ERC2: variants seen among roughly 807,000 people sequenced by gnomAD.
The protein encoded by ERC2 is ELKS/RAB6-interacting/CAST family member 2, also known as ERC protein 2.
Under a neutral mutation model 114.8 loss-of-function variants are expected in ERC2, and 42 were observed. The observed-to-expected ratio is 0.37, with a 90% confidence interval of 0.29 to 0.47. The LOEUF (loss-of-function observed/expected upper bound fraction) is 0.47, where lower values mean the gene tolerates loss of function less well. ERC2 is among the 20% of genes least tolerant of loss of function. The pLI is 0.99. For synonymous variants in ERC2, 454 were observed against 425.5 expected (o/e 1.07, Z -0.82); for missense variants, 939 against 1,150.7 (o/e 0.82, Z 2.66).
intron 17 of ERC2, among the ~76,000 whole-genome samples, chr3:55,524,534 G>A (rs1351986452): frequency 2.3e-5 from 3 of 129,664 alleles, no homozygotes; most frequent in Non-Finnish European, 1.6e-5. Context: ...GGCTCCAGCT[G>A]TTAGATAAAC....
At chr3:55,604,085 A>G (rs1306187820) in intron 17 of ERC2, among the ~76,000 whole-genome samples, 1 of 152,180 alleles carries the variant, frequency 6.6e-6, no homozygotes, top group East Asian at 1.9e-4. Flanking sequence ...ATGAAACTAA[A>G]CGACTTTAAT....
In ERC2 at chr3:56,139,660, T is replaced by C; in HGVS notation, c.1322A>G (p.Gln441Arg). The C allele has an allele frequency of 1.9e-6, 3 of 1,602,824 alleles. No homozygotes were observed. Among genetic ancestry groups the C allele is most frequent in the Non-Finnish European group, 2.6e-6 (3 of 1,173,912 alleles). The change falls in exon 6 of 18, where the codon CAG becomes CGG. Residue 441 changes from glutamine to arginine, a missense_variant. Gln to Arg is a conservative substitution (Grantham distance 43). Coordinates refer to ENST00000288221, the MANE Select transcript of ERC2 (RefSeq NM_015576.3). ...FMKTKIDQLK[Q>R]ELSKKESELL... The stretch of plus-strand genomic sequence containing the variant: ...TTCCGACTCTTTCTTTGAAAGTTCC[T>C]GCTTCAGCTGATCAATCTGCAAAAC...
At chr3:56,016,427 CTTTT>C (rs11430130) in intron 8 of ERC2, among the ~76,000 whole-genome samples, 9 of 141,242 alleles carry the variant, frequency 6.4e-5, no homozygotes, top group Non-Finnish European at 1.2e-4. Flanking sequence ...CTTTTTTTTT[CTTTT>C]TTTTTTTTTA....
At chr3:56,453,419 G>T (rs543907621) in intron 1 of ERC2, among the ~76,000 whole-genome samples, 1 of 152,186 alleles carries the variant, frequency 6.6e-6, no homozygotes, top group African/African-American at 2.4e-5. Context: ...GAGATTTGGA[G>T]GTCCTTTGTT....
chr3:55,953,789 G>T (rs2067743263), intron 12 of ERC2, among the ~76,000 whole-genome samples: 1 of 151,844 alleles, frequency 6.6e-6, no homozygotes, highest in Non-Finnish European at 1.5e-5. Flanking sequence ...GTGAAAAAAT[G>T]ACCACAGTGA....
intron 3 of ERC2, among the ~76,000 whole-genome samples, chr3:56,291,201 G>A (rs1359445881): frequency 6.6e-6 from 1 of 152,166 alleles, no homozygotes; most frequent in Non-Finnish European, 1.5e-5. Context: ...GGAACAATAT[G>A]TTCTTTGCAG....
In ERC2 at chr3:55,675,903, C is replaced by CTTTTTTTTTTTTTTTTTTTTTTTTTTTTT. The variant is rs869296098; in HGVS notation, c.*39+7862_*39+7890dup. Reference sequence around the variant, plus strand: ...TTCCATCTTTCTTTCTCTTTTCTTTCTTTTTTTTTTTTTTTTTTTTTTTTT... The same window carrying CTTTTTTTTTTTTTTTTTTTTTTTTTTTTT: ...TTCCATCTTTCTTTCTCTTTTCTTTCTTTTTTTTTTTTTTTTTTTTTTTTTTTTTTTTTTTTTTTTTTTTTTTTTTTTTT... On this transcript the variant is annotated intron_variant, in intron 17 of 17. Transcript: ENST00000288221. Among the ~76,000 whole-genome samples the CTTTTTTTTTTTTTTTTTTTTTTTTTTTTT allele has an allele frequency of 1.5e-3, 73 of 47,994 alleles. 11 individuals are homozygous for CTTTTTTTTTTTTTTTTTTTTTTTTTTTTT. Among genetic ancestry groups the CTTTTTTTTTTTTTTTTTTTTTTTTTTTTT allele is most frequent in the East Asian group, 2.2e-3 (5 of 2,262 alleles). The allele number at this position is 47,994 out of a possible 152,430, so 31.5% of individuals were successfully genotyped here.
chr3:55,980,249 A>G (rs1469784415), intron 12 of ERC2, among the ~76,000 whole-genome samples: 1 of 152,026 alleles, frequency 6.6e-6, no homozygotes, highest in Non-Finnish European at 1.5e-5. Flanking sequence ...ATGAGAGAGC[A>G]GCAAATATTA....
chr3:55,519,646 C>T (rs1299425892), intron 17 of ERC2, among the ~76,000 whole-genome samples: 4 of 152,126 alleles, frequency 2.6e-5, no homozygotes, highest in Non-Finnish European at 4.4e-5. Flanking sequence ...TTGATCTCTT[C>T]TGCCATCTGG....
chr3:56,144,435 A>G (rs1004193261), intron 5 of ERC2, among the ~76,000 whole-genome samples: 14 of 152,238 alleles, frequency 9.2e-5, no homozygotes, highest in African/African-American at 3.4e-4. Flanking sequence ...TTTATAGTTG[A>G]TTCCACATAT....
chr3:56,155,815 A>T (rs1324819764), intron 4 of ERC2, among the ~76,000 whole-genome samples: 1 of 152,222 alleles, frequency 6.6e-6, no homozygotes, highest in African/African-American at 2.4e-5. Context: ...AATATTTAAT[A>T]AATGTAAGTT....
At chr3:55,886,450 T>A (rs2063350332) in intron 14 of ERC2, among the ~76,000 whole-genome samples, 1 of 152,220 alleles carries the variant, frequency 6.6e-6, no homozygotes, top group East Asian at 1.9e-4. Flanking sequence ...TTCTAGGAAA[T>A]GAATTTTATT....
intron 3 of ERC2, among the ~76,000 whole-genome samples, chr3:56,201,999 C>T (rs2048436738): frequency 6.6e-6 from 1 of 152,184 alleles, no homozygotes; most frequent in Admixed American, 6.5e-5. Context: ...AAAAACATAA[C>T]TTCTTCCAGT....
At chr3:56,079,829 G>A (rs1440910335) in intron 7 of ERC2, among the ~76,000 whole-genome samples, 1 of 152,154 alleles carries the variant, frequency 6.6e-6, no homozygotes, top group Non-Finnish European at 1.5e-5. Flanking sequence ...TCTGTGTTAA[G>A]AATAGGCTGT....
chr3:56,293,988 C>G (rs2055264553), intron 3 of ERC2, among the ~76,000 whole-genome samples: 2 of 152,266 alleles, frequency 1.3e-5, no homozygotes, highest in African/African-American at 4.8e-5. Flanking sequence ...GGAGATTTCT[C>G]TGGCATCACA....
chr3:56,307,333 T>C (rs1307301527), intron 2 of ERC2, among the ~76,000 whole-genome samples: 1 of 152,234 alleles, frequency 6.6e-6, no homozygotes. Flanking sequence ...TTGCGTCTTA[T>C]CTCAATTTAT....
chr3:55,714,659 G>GTATATATATATATGTATATATATA (rs1559538570), intron 15 of ERC2, among the ~76,000 whole-genome samples: 2 of 70,846 alleles, frequency 2.8e-5, no homozygotes, highest in Admixed American at 2.2e-4. Flanking sequence ...GTGTGTGTGT[G>GTATATATATATATGTATATATATA]TGTGTGTGTA....
chr3:55,790,518 A>G (rs1467263482), intron 14 of ERC2, among the ~76,000 whole-genome samples: 1 of 152,164 alleles, frequency 6.6e-6, no homozygotes, highest in African/African-American at 2.4e-5. Flanking sequence ...TCTTCTTGGC[A>G]TGCCCTGCAC....
chr3:55,730,196 G>A (rs2065170128), intron 15 of ERC2, among the ~76,000 whole-genome samples: 1 of 152,118 alleles, frequency 6.6e-6, no homozygotes. Flanking sequence ...CAGCACCAGG[G>A]CCAACGCTGC....
Sources: allele counts gnomAD v4.1 joint callset (sites outside exome capture counted in the v4.1 genomes callset), GRCh38; gene constraint gnomAD v4.1.1; transcripts MANE v1.5; gene names NCBI Gene and HGNC (gene_info 2026-07-23, HGNC 2026-07-21).